The following SDC2 variants were observed in gnomAD, a reference collection of about 807,000 sequenced individuals.
SDC2 encodes syndecan-2.
Under a neutral mutation model 22.2 loss-of-function variants are expected in SDC2, and 13 were observed. The ratio of observed to expected loss-of-function variants is 0.59; its 90% confidence interval spans 0.38 to 0.93. SDC2 has a LOEUF of 0.93. SDC2 is among the 40% of genes least tolerant of loss of function. SDC2 has a pLI of 0.00. For synonymous variants in SDC2, 94 were observed against 92.8 expected, an observed-to-expected ratio of 1.01 and a Z score of -0.07; for missense variants, 235 against 246.8, an observed-to-expected ratio of 0.95 and a Z score of 0.32.
At chr8:96,563,260 C>T (rs866582658) in intron 1 of SDC2, among the ~76,000 whole-genome samples, 1 of 152,278 alleles carries the variant, frequency 6.6e-6, no homozygotes, top group African/African-American at 2.4e-5. Context: ...ACCATTCTAA[C>T]GGCCTTACTT....
chr8:96,504,201 C>T (rs1813205962), intron 1 of SDC2, among the ~76,000 whole-genome samples: 1 of 152,208 alleles, frequency 6.6e-6, no homozygotes, highest in African/African-American at 2.4e-5. Context: ...TACATCTGTG[C>T]TTCGGACTCA....
At chr8:96,574,992 C>T (rs1814462798) in intron 1 of SDC2, among the ~76,000 whole-genome samples, 1 of 152,172 alleles carries the variant, frequency 6.6e-6, no homozygotes, top group South Asian at 2.1e-4. Context: ...ATGTGCAGTT[C>T]ACAATAGGGT....
chr8:96,544,357 A>C (rs560103878), intron 1 of SDC2, among the ~76,000 whole-genome samples: 1 of 152,110 alleles, frequency 6.6e-6, no homozygotes, highest in Non-Finnish European at 1.5e-5. Context: ...CATTTGTACC[A>C]TAGGAGCTTT....
intron 3 of SDC2, 106 bp downstream of exon 3, chr8:96,602,634 C>A: frequency 7.8e-7 from 1 of 1,279,334 alleles, no homozygotes; most frequent in Non-Finnish European, 1.1e-6. Context: ...CTTTTTGGAG[C>A]TACCCATCAT....
chr8:96,569,250 CCTTCCACCTTG>C (rs1183816544), intron 1 of SDC2, among the ~76,000 whole-genome samples: 4 of 152,204 alleles, frequency 2.6e-5, no homozygotes, highest in African/African-American at 9.7e-5. Context: ...CTCGAGCCAT[CCTTCCACCTTG>C]GCCTTCCAAA....
chr8:96,523,284 G>A (rs1301780072), intron 1 of SDC2, among the ~76,000 whole-genome samples: 11 of 152,176 alleles, frequency 7.2e-5, no homozygotes, highest in African/African-American at 2.4e-4. Flanking sequence ...GCTAAACCAC[G>A]AAGTTAAACT....
chr8:96,527,361 A>G (rs920540516), intron 1 of SDC2, among the ~76,000 whole-genome samples: 1 of 152,192 alleles, frequency 6.6e-6, no homozygotes, highest in Non-Finnish European at 1.5e-5. Context: ...CAGACATCAT[A>G]GGAGACTCCT....
At chr8:96,607,301 G>A (rs1027029749) in intron 3 of SDC2, among the ~76,000 whole-genome samples, 2 of 152,296 alleles carry the variant, frequency 1.3e-5, no homozygotes, top group Non-Finnish European at 1.5e-5. Flanking sequence ...AGGTCGATGC[G>A]GGATGGGAGC....
chr8:96,507,643 G>A (rs1414193278), intron 1 of SDC2, among the ~76,000 whole-genome samples: 1 of 152,264 alleles, frequency 6.6e-6, no homozygotes, highest in Non-Finnish European at 1.5e-5. Flanking sequence ...GATAAGAATC[G>A]GGACCAGAAG....
chr8:96,580,960 C>T (rs1814579325), intron 1 of SDC2, among the ~76,000 whole-genome samples: 1 of 152,086 alleles, frequency 6.6e-6, no homozygotes, highest in South Asian at 2.1e-4. Context: ...TATGGCTTGC[C>T]TCAGAACTAG....
At chr8:96,558,512 A>G (rs1240627453) in intron 1 of SDC2, among the ~76,000 whole-genome samples, 1 of 152,204 alleles carries the variant, frequency 6.6e-6, no homozygotes, top group Non-Finnish European at 1.5e-5. Context: ...CTAAATGTCT[A>G]TACCTAGTAA....
At chr8:96,557,442 G>A (rs1229982750) in intron 1 of SDC2, among the ~76,000 whole-genome samples, 7 of 148,274 alleles carry the variant, frequency 4.7e-5, no homozygotes, top group African/African-American at 1.7e-4. Context: ...ATACTATGCA[G>A]CCTTAAAAAA....
intron 1 of SDC2, among the ~76,000 whole-genome samples, chr8:96,548,389 C>T (rs146580957): frequency 1.3e-5 from 2 of 152,258 alleles, no homozygotes; most frequent in African/African-American, 4.8e-5. Context: ...GAAATGCTCA[C>T]GGGAGCATTT....
chr8:96,556,512 A>C (rs2130550866), intron 1 of SDC2, among the ~76,000 whole-genome samples: 1 of 152,224 alleles, frequency 6.6e-6, no homozygotes, highest in African/African-American at 2.4e-5. Flanking sequence ...TGACAAAAAC[A>C]AGAAATGGGG....
chr8:96,571,070 T>C (rs1211418120), intron 1 of SDC2, among the ~76,000 whole-genome samples: 2 of 152,198 alleles, frequency 1.3e-5, no homozygotes. Flanking sequence ...TTTAGGTATA[T>C]TTTACTACAA....
chr8:96,534,181 T>C (rs1813714336), intron 1 of SDC2, among the ~76,000 whole-genome samples: 1 of 152,144 alleles, frequency 6.6e-6, no homozygotes, highest in Non-Finnish European at 1.5e-5. Context: ...GGTTCCTGCC[T>C]GTGTTTCTCC....
intron 1 of SDC2, among the ~76,000 whole-genome samples, chr8:96,502,226 C>T (rs1030437804): frequency 6.6e-6 from 1 of 152,132 alleles, no homozygotes; most frequent in Admixed American, 6.5e-5. Context: ...GGGGAACTCC[C>T]ATTTATGAAA....
At position 96,603,656 on chromosome 8, in the gene SDC2, A is replaced by T. The variant is rs565654208; in HGVS notation, c.306+1128A>T. 1.9e-4 allele frequency among the ~76,000 whole-genome samples: 29 copies of T among 152,210 alleles called. 2 individuals are homozygous for T. The South Asian group carries it at 5.8e-3, about 30-fold the overall frequency. ...TGGGCTTTTCTTACCCTTGCCCCAGAGTACCTTTGTTCTTCCTCCTCCTCC... is the reference window on the plus strand; with the variant it reads ...TGGGCTTTTCTTACCCTTGCCCCAGTGTACCTTTGTTCTTCCTCCTCCTCC... On this transcript the variant is annotated intron_variant, in intron 3 of 4. Coordinates refer to ENST00000302190, the MANE Select transcript of SDC2 (RefSeq NM_002998.4).
chr8:96,597,348 G>C (rs998065550), intron 2 of SDC2, among the ~76,000 whole-genome samples: 2 of 152,130 alleles, frequency 1.3e-5, no homozygotes, highest in Admixed American at 6.5e-5. Context: ...CCAGTGAAAC[G>C]TACAGCTCTG....
Sources: allele counts gnomAD v4.1 joint callset (sites outside exome capture counted in the v4.1 genomes callset), GRCh38; gene constraint gnomAD v4.1.1; transcripts MANE v1.5; gene names NCBI Gene and HGNC (gene_info 2026-07-23, HGNC 2026-07-21).